The following RPS6KA2 variants were observed in gnomAD, a reference collection of about 807,000 sequenced individuals.
RPS6KA2 encodes the protein ribosomal protein S6 kinase alpha-2.
A neutral mutation model predicts 91.8 loss-of-function variants in RPS6KA2; 42 were observed. That is an observed-to-expected ratio of 0.46 (90% CI 0.36 to 0.59). RPS6KA2 has a LOEUF of 0.59. Ranked by LOEUF, RPS6KA2 falls within the 20% of genes least tolerant of loss-of-function variation. The probability of loss-of-function intolerance (pLI) is 0.00; values close to 1 mark genes in which losing one functional copy is unlikely to be tolerated. For synonymous variants in RPS6KA2, 414 were observed against 393.6 expected (o/e 1.05, Z -0.61); for missense variants, 798 against 978.5 (o/e 0.82, Z 2.46).
At chr6:166,702,232 GCA>G in intron 2 of RPS6KA2, 1 of 1,611,374 alleles carries the variant, frequency 6.2e-7, no homozygotes, top group Non-Finnish European at 8.5e-7. Flanking sequence ...GAACCAGCAG[GCA>G]CAGAGGCAAA....
intron 1 of RPS6KA2, among the ~76,000 whole-genome samples, chr6:166,621,300 G>A (rs3778367): frequency 0.15 from 22,672 of 152,130 alleles, 1,734 homozygotes; most frequent in East Asian, 0.19. Flanking sequence ...TGTCCTCCAC[G>A]CCCTGATATG....
chr6:166,486,341 G>C (rs1172826963), intron 10 of RPS6KA2, among the ~76,000 whole-genome samples: 1 of 152,158 alleles, frequency 6.6e-6, no homozygotes, highest in Non-Finnish European at 1.5e-5. Context: ...CCTCTGTCCT[G>C]ATCAGGCGTC....
At chr6:166,772,927 G>T (rs1778515535) in intron 2 of RPS6KA2, among the ~76,000 whole-genome samples, 1 of 152,124 alleles carries the variant, frequency 6.6e-6, no homozygotes, top group African/African-American at 2.4e-5. Context: ...GGGGAATCTG[G>T]AATGACTTGG....
intron 2 of RPS6KA2, among the ~76,000 whole-genome samples, chr6:166,816,789 A>T (rs1170959277): frequency 6.6e-6 from 1 of 152,212 alleles, no homozygotes; most frequent in African/African-American, 2.4e-5. Flanking sequence ...GAAACAAGCA[A>T]ATGTTTACAT....
intron 2 of RPS6KA2, among the ~76,000 whole-genome samples, chr6:166,819,826 A>G (rs1779858896): frequency 6.6e-6 from 1 of 152,144 alleles, no homozygotes; most frequent in East Asian, 1.9e-4. Context: ...ATAATCTTGT[A>G]TTTACTGTAT....
chr6:166,621,468 G>A (rs1583336124), intron 1 of RPS6KA2, among the ~76,000 whole-genome samples: 1 of 152,188 alleles, frequency 6.6e-6, no homozygotes, highest in African/African-American at 2.4e-5. Context: ...AAATCACACT[G>A]TAGCTTAACA....
At chr6:166,572,858 G>A (rs1784731040) in intron 1 of RPS6KA2, among the ~76,000 whole-genome samples, 2 of 152,222 alleles carry the variant, frequency 1.3e-5, no homozygotes, top group African/African-American at 4.8e-5. Flanking sequence ...TGCTCCCCTT[G>A]AATCTGCACG....
intron 2 of RPS6KA2, among the ~76,000 whole-genome samples, chr6:166,855,379 A>T (rs1320085478): frequency 1.4e-5 from 2 of 140,868 alleles, no homozygotes; most frequent in Non-Finnish European, 3.2e-5. Context: ...GAAGAAGGAA[A>T]AGAAGAAAAA....
chr6:166,746,226 G>C (rs376307910), intron 2 of RPS6KA2, among the ~76,000 whole-genome samples: 1 of 152,188 alleles, frequency 6.6e-6, no homozygotes, highest in African/African-American at 2.4e-5. Context: ...GAACAACACC[G>C]AGCTTTCCTC....
chr6:166,619,197 G>C (rs991430650), intron 1 of RPS6KA2, among the ~76,000 whole-genome samples: 1 of 152,202 alleles, frequency 6.6e-6, no homozygotes, highest in African/African-American at 2.4e-5. Flanking sequence ...TTAAGATCTA[G>C]AAATAAGAGA....
chr6:166,830,125 C>CAAA (rs34980248), intron 2 of RPS6KA2, among the ~76,000 whole-genome samples: 2 of 99,570 alleles, frequency 2.0e-5, no homozygotes, highest in African/African-American at 8.5e-5. Context: ...AACTCCATTT[C>CAAA]AAAAAAAAAA....
chr6:166,738,511 C>A (rs6456120), intron 2 of RPS6KA2, among the ~76,000 whole-genome samples: 46,687 of 152,036 alleles, frequency 0.31, 9,644 homozygotes, highest in African/African-American at 0.59. Context: ...GCAGGCAGCC[C>A]CAGCTGACAC....
At chr6:166,588,108 C>T (rs1316875488) in intron 1 of RPS6KA2, among the ~76,000 whole-genome samples, 4 of 152,186 alleles carry the variant, frequency 2.6e-5, no homozygotes, top group Non-Finnish European at 5.9e-5. Flanking sequence ...TCGTTTTGCT[C>T]CCCAATGTAC....
chr6:166,601,518 C>A lies in RPS6KA2; in HGVS notation c.99+25403G>T, dbSNP rs74860122. On this transcript the variant is annotated intron_variant, in intron 1 of 20. Coordinates refer to ENST00000265678, the MANE Select transcript of RPS6KA2 (RefSeq NM_021135.6). ...CTTGCTGTATTAGCTATCAAGACTT[C>A]TTTTAAACTGATGGTTAATAGGACA... Among the ~76,000 whole-genome samples, 522 of 152,296 alleles carry A rather than the reference C, an allele frequency of 3.4e-3. 3 individuals carry two copies. Among genetic ancestry groups the A allele is most frequent in the Non-Finnish European group, 6.3e-3 (431 of 68,026 alleles).
In RPS6KA2 at chr6:166,857,524, C is replaced by T. The variant is rs4709136; in HGVS notation, c.123+676G>A. Among the ~76,000 whole-genome samples, 3,234 of 152,266 alleles carry T rather than the reference C, an allele frequency of 0.021. 232 individuals carry two copies. In the East Asian group the frequency reaches 0.27, roughly 13 times the overall value. ...TCTCCCCTGAGAACACCAGTGTTGC[C>T]GAGATACTCTCACTTTATTAAAGTC... On this transcript the variant is annotated intron_variant, in intron 2 of 21. Transcript: ENST00000503859.
chr6:166,689,577 G>C (rs1451158802), intron 2 of RPS6KA2, among the ~76,000 whole-genome samples: 1 of 152,244 alleles, frequency 6.6e-6, no homozygotes, highest in Non-Finnish European at 1.5e-5. Context: ...ATTCGTAGGT[G>C]TTGGGCTCTG....
chr6:166,709,236 G>A (rs754429393), intron 2 of RPS6KA2, among the ~76,000 whole-genome samples: 1 of 152,318 alleles, frequency 6.6e-6, no homozygotes, highest in East Asian at 1.9e-4. Flanking sequence ...AGCTGGGCAC[G>A]CATGTAGAAA....
intron 2 of RPS6KA2, among the ~76,000 whole-genome samples, chr6:166,643,247 T>TA (rs1206653763): frequency 6.6e-6 from 1 of 152,018 alleles, no homozygotes; most frequent in East Asian, 1.9e-4. Flanking sequence ...TCAAAATATG[T>TA]AAAAAAATAA....
chr6:166,473,045 C>T (rs753194276), intron 10 of RPS6KA2, among the ~76,000 whole-genome samples: 1 of 152,152 alleles, frequency 6.6e-6, no homozygotes, highest in Non-Finnish European at 1.5e-5. Context: ...GTTTAAATGG[C>T]TTGTGGTCTA....
Sources: allele counts gnomAD v4.1 joint callset (sites outside exome capture counted in the v4.1 genomes callset), GRCh38; gene constraint gnomAD v4.1.1; transcripts MANE v1.5; gene names NCBI Gene and HGNC (gene_info 2026-07-23, HGNC 2026-07-21).